Variants in ZNF69 observed in about 807,000 individuals in gnomAD.
The protein encoded by ZNF69 is ZNF3.
Under a neutral mutation model 50.9 loss-of-function variants are expected in ZNF69, and 47 were observed. The ratio of observed to expected loss-of-function variants is 0.92; its 90% CI spans 0.73 to 1.18. The LOEUF is 1.18. Among genes scored for constraint, ZNF69 ranks in the 50% most tolerant of loss-of-function variants. ZNF69 has a pLI of 0.00. For missense variants in ZNF69, 717 were observed against 675.1 expected, an observed-to-expected ratio of 1.06 and a Z score of -0.69; for synonymous variants, 216 against 223.1, an observed-to-expected ratio of 0.97 and a Z score of 0.29.
At chr19:11,912,675 TCA>T (rs1972474692) in intron 4 of ZNF69, among the ~76,000 whole-genome samples, 1 of 151,932 alleles carries the variant, frequency 6.6e-6, no homozygotes, top group South Asian at 2.1e-4. Flanking sequence ...ATGAAAGGAC[TCA>T]CACTGGAGAG....
the ZNF69 span, among the ~76,000 whole-genome samples, chr19:11,925,742 C>G: frequency 6.6e-6 from 1 of 152,184 alleles, no homozygotes; most frequent in African/African-American, 2.4e-5. Flanking sequence ...GAGAAACACC[C>G]CGTCCTGGGT....
the ZNF69 span, among the ~76,000 whole-genome samples, chr19:11,934,519 CTTTG>C: frequency 6.3e-4 from 92 of 146,510 alleles, 6 homozygotes; most frequent in Middle Eastern, 3.4e-3. Context: ...TTCTTTTTTT[CTTTG>C]TTTGTTTGTT....
chr19:11,966,050 G>C, the ZNF69 span, among the ~76,000 whole-genome samples: 16 of 152,136 alleles, frequency 1.1e-4, no homozygotes, highest in African/African-American at 2.2e-4. Context: ...TCTGCCACTT[G>C]ATTCCATCCC....
chr19:11,925,180 C>G, the ZNF69 span: 4 of 1,609,650 alleles, frequency 2.5e-6, no homozygotes, highest in African/African-American at 1.3e-5. Context: ...GGTGCCTGTA[C>G]CCAGGCTTCT....
chr19:11,902,459 G>A (rs1198561939), intron 1 of ZNF69, among the ~76,000 whole-genome samples: 1 of 151,992 alleles, frequency 6.6e-6, no homozygotes, highest in Non-Finnish European at 1.5e-5. Flanking sequence ...TCTCTTAAGA[G>A]TTTCTTGTTT....
chr19:11,972,601 G>A, the ZNF69 span, among the ~76,000 whole-genome samples: 2 of 152,058 alleles, frequency 1.3e-5, no homozygotes, highest in Admixed American at 1.3e-4. Flanking sequence ...CATTTTTTAT[G>A]CAAATGATAA....
the ZNF69 span, among the ~76,000 whole-genome samples, chr19:11,936,770 A>G: frequency 1.9e-4 from 29 of 152,236 alleles, no homozygotes; most frequent in South Asian, 5.6e-3. Flanking sequence ...GCCCATGCCT[A>G]TGTCCTGAAT....
At chr19:11,891,205 C>A (rs1977077425) in intron 1 of ZNF69, among the ~76,000 whole-genome samples, 1 of 151,832 alleles carries the variant, frequency 6.6e-6, no homozygotes, top group Non-Finnish European at 1.5e-5. Context: ...GCAGGAGGAT[C>A]ACTTCTAGTC....
At chr19:11,924,995 G>A in the ZNF69 span, 5 of 495,888 alleles carry the variant, frequency 1.0e-5, no homozygotes, top group Non-Finnish European at 1.8e-5. Flanking sequence ...CTGATACCCA[G>A]GGCTTCAGCT....
downstream of ZNF69, among the ~76,000 whole-genome samples, chr19:11,908,499 G>C (rs941456557): frequency 2.6e-5 from 4 of 152,130 alleles, no homozygotes; most frequent in Admixed American, 6.6e-5. Context: ...AATCAAACTA[G>C]AACTCAGGAT....
chr19:11,912,156 T>A (rs1972467452), intron 4 of ZNF69, among the ~76,000 whole-genome samples: 1 of 151,868 alleles, frequency 6.6e-6, no homozygotes. Flanking sequence ...TGTCAAAAAT[T>A]GTTGAATTCA....
chr19:11,892,002 G>A (rs279189), intron 1 of ZNF69, among the ~76,000 whole-genome samples: 2 of 151,916 alleles, frequency 1.3e-5, no homozygotes, highest in Non-Finnish European at 1.5e-5. Flanking sequence ...TTCTTTGAGC[G>A]AATGTCTTGT....
At chr19:11,928,246 A>G in the ZNF69 span, among the ~76,000 whole-genome samples, 1 of 152,144 alleles carries the variant, frequency 6.6e-6, no homozygotes, top group African/African-American at 2.4e-5. Flanking sequence ...TTGGCCTCCA[A>G]AAGTGCTGGG....
chr19:11,897,689 G>A (rs1972155301), intron 1 of ZNF69, among the ~76,000 whole-genome samples: 1 of 151,374 alleles, frequency 6.6e-6, no homozygotes, highest in African/African-American at 2.4e-5. Context: ...TGGCTAACAT[G>A]GTGAATCCCC....
chr19:11,969,126 A>G, the ZNF69 span, among the ~76,000 whole-genome samples: 5 of 152,120 alleles, frequency 3.3e-5, no homozygotes, highest in Non-Finnish European at 5.9e-5. Context: ...TTGTTTTGAG[A>G]CAGGGTCTCA....
chr19:11,918,679 T>C (rs1391071012), downstream of ZNF69, among the ~76,000 whole-genome samples: 1 of 151,984 alleles, frequency 6.6e-6, no homozygotes, highest in Admixed American at 6.6e-5. Context: ...GGTCTCGAAC[T>C]CCCGGGCTCA....
the ZNF69 span, chr19:11,949,307 G>T: frequency 8.7e-6 from 14 of 1,613,832 alleles, no homozygotes; most frequent in South Asian, 1.4e-4. Flanking sequence ...AAAGCCTTCA[G>T]ATCTGCCTCA....
At chr19:11,979,080 A>C in the ZNF69 span, 1 of 1,614,038 alleles carries the variant, frequency 6.2e-7, no homozygotes, top group African/African-American at 1.3e-5. Context: ...AAACACACCT[A>C]AGAATGCGCT....
the ZNF69 span, chr19:11,965,157 C>T: frequency 6.2e-7 from 1 of 1,613,378 alleles, no homozygotes; most frequent in Non-Finnish European, 8.5e-7. Context: ...CTGTGCCCTT[C>T]TGTAGTCACA....
Sources: allele counts gnomAD v4.1 joint callset (sites outside exome capture counted in the v4.1 genomes callset), GRCh38; gene constraint gnomAD v4.1.1; transcripts MANE v1.5; gene names NCBI Gene and HGNC (gene_info 2026-07-23, HGNC 2026-07-21).